The following NAALADL2 variants were observed in gnomAD, a reference collection of about 807,000 sequenced individuals.
NAALADL2 encodes the protein inactive N-acetylated-alpha-linked acidic dipeptidase-like protein 2.
A neutral mutation model predicts 87.2 loss-of-function variants in NAALADL2; 76 were observed. The observed-to-expected ratio is 0.87, with a 90% CI of 0.72 to 1.05. NAALADL2 has a LOEUF of 1.05. Ranked by LOEUF, NAALADL2 falls within the 50% of genes least tolerant of loss-of-function variation. The pLI, the probability that NAALADL2 is intolerant of heterozygous loss-of-function variation, is 0.00. For missense variants in NAALADL2, 1,089 were observed against 945.8 expected (o/e 1.15, Z -1.99); for synonymous variants, 354 against 331.0 (o/e 1.07, Z -0.75).
chr3:174,580,298 T>G, intron 2 of NAALADL2, among the ~76,000 whole-genome samples: 1 of 152,124 alleles, frequency 6.6e-6, no homozygotes, highest in Admixed American at 6.6e-5. Flanking sequence ...TAATAATTGC[T>G]GTTGCTCTCA....
intron 5 of NAALADL2, among the ~76,000 whole-genome samples, chr3:175,417,410 C>T (rs1254083453): frequency 1.3e-5 from 2 of 151,862 alleles, no homozygotes; most frequent in Non-Finnish European, 2.9e-5. Context: ...ATTTAATACT[C>T]ATCATCATAA....
At chr3:174,593,229 A>C (rs1205881197) in intron 2 of NAALADL2, among the ~76,000 whole-genome samples, 1 of 152,192 alleles carries the variant, frequency 6.6e-6, no homozygotes, top group Non-Finnish European at 1.5e-5. Flanking sequence ...TCTTACTATC[A>C]GCATAAACTG....
rs140383341 is a variant in NAALADL2, at chr3:175,337,257, G to A, written c.1090+12932G>A. Among the ~76,000 whole-genome samples, 28 of 151,318 alleles carry A rather than the reference G, an allele frequency of 1.9e-4. No homozygotes were observed. In the East Asian group the frequency reaches 5.4e-3, roughly 29 times the overall value. ...AGGTGGTATTAGGTCTAGGTGGTAT[G>A]GTGGTCCTATTTAGAGTCAGACTAA... On this transcript the variant is annotated intron_variant, in intron 5 of 13. Transcript: ENST00000454872.
intron 9 of NAALADL2, among the ~76,000 whole-genome samples, chr3:175,555,987 A>G (rs1277875694): frequency 6.6e-6 from 1 of 152,188 alleles, no homozygotes; most frequent in Non-Finnish European, 1.5e-5. Context: ...ACTTTTAAGA[A>G]GCCATTTTGA....
chr3:175,219,004 T>C (rs774315102), intron 2 of NAALADL2, among the ~76,000 whole-genome samples: 3 of 151,986 alleles, frequency 2.0e-5, no homozygotes, highest in African/African-American at 4.8e-5. Flanking sequence ...TTTTATTATA[T>C]AAATATGTGG....
At chr3:175,175,334 A>G (rs1735551147) in intron 2 of NAALADL2, among the ~76,000 whole-genome samples, 1 of 152,064 alleles carries the variant, frequency 6.6e-6, no homozygotes, top group Admixed American at 6.6e-5. Flanking sequence ...CATAGCCTTA[A>G]GGTCATTGAC....
chr3:175,219,103 A>G (rs1037176815), intron 2 of NAALADL2, among the ~76,000 whole-genome samples: 2 of 152,124 alleles, frequency 1.3e-5, no homozygotes, highest in Non-Finnish European at 2.9e-5. Context: ...TTATTCTAGT[A>G]AATGTCTTCA....
chr3:174,641,833 TGCA>T (rs1463240086), intron 2 of NAALADL2, among the ~76,000 whole-genome samples: 3 of 152,294 alleles, frequency 2.0e-5, no homozygotes, highest in Non-Finnish European at 4.4e-5. Context: ...CATGGCTCAC[TGCA>T]GCCTCAACCT....
chr3:174,978,209 C>T (rs2108638242), intron 1 of NAALADL2, among the ~76,000 whole-genome samples: 1 of 152,280 alleles, frequency 6.6e-6, no homozygotes, highest in South Asian at 2.1e-4. Flanking sequence ...TACTATCAAG[C>T]GTGACAATGT....
intron 3 of NAALADL2, among the ~76,000 whole-genome samples, chr3:174,816,224 C>G (rs1399813175): frequency 6.6e-6 from 1 of 151,646 alleles, no homozygotes; most frequent in East Asian, 1.9e-4. Context: ...TTTCCCCCTT[C>G]TCCTCCTCCT....
At chr3:175,246,688 GC>G (rs1172932366) in intron 3 of NAALADL2, among the ~76,000 whole-genome samples, 1 of 152,080 alleles carries the variant, frequency 6.6e-6, no homozygotes, top group African/African-American at 2.4e-5. Flanking sequence ...TAATAATTCT[GC>G]TTTTCTTTTA....
intron 1 of NAALADL2, among the ~76,000 whole-genome samples, chr3:174,982,072 A>G (rs898612181): frequency 8.5e-5 from 13 of 152,164 alleles, no homozygotes; most frequent in African/African-American, 3.1e-4. Context: ...ATAGAAAGGA[A>G]AGGGGGAATG....
chr3:175,117,833 C>T (rs1356994289), intron 2 of NAALADL2, among the ~76,000 whole-genome samples: 1 of 152,040 alleles, frequency 6.6e-6, no homozygotes, highest in African/African-American at 2.4e-5. Context: ...TATGGTGGCA[C>T]TATTCACAAT....
intron 2 of NAALADL2, among the ~76,000 whole-genome samples, chr3:175,131,995 G>T (rs1450039770): frequency 1.7e-5 from 2 of 116,040 alleles, no homozygotes; most frequent in Admixed American, 1.7e-4. Context: ...CCGGGAGGGG[G>T]ACTGACCCCC....
At chr3:175,802,937 C>A in intron 13 of NAALADL2, 68 bp from the exon 14 acceptor site, 2 of 979,632 alleles carry the variant, frequency 2.0e-6, no homozygotes, top group South Asian at 3.0e-5. Context: ...TAGAAATATT[C>A]ATTCCAACGT....
intron 1 of NAALADL2, among the ~76,000 whole-genome samples, chr3:174,865,655 T>TTGC (rs796909054): frequency 4.5e-4 from 68 of 152,074 alleles, no homozygotes; most frequent in African/African-American, 1.6e-3. Context: ...GCTTCCATTC[T>TTGC]TGCTGATTCT....
At chr3:174,508,633 G>T (rs1254243982) in intron 1 of NAALADL2, among the ~76,000 whole-genome samples, 1 of 152,132 alleles carries the variant, frequency 6.6e-6, no homozygotes, top group Non-Finnish European at 1.5e-5. Context: ...TTCACTTATT[G>T]ATGTCATTTT....
intron 5 of NAALADL2, among the ~76,000 whole-genome samples, chr3:175,425,115 T>C (rs1716555350): frequency 6.6e-6 from 1 of 152,282 alleles, no homozygotes; most frequent in East Asian, 1.9e-4. Flanking sequence ...AATGATGATA[T>C]GGAATTTTCT....
intron 12 of NAALADL2, among the ~76,000 whole-genome samples, chr3:175,751,877 T>C (rs1208170766): frequency 6.6e-6 from 1 of 152,076 alleles, no homozygotes; most frequent in Non-Finnish European, 1.5e-5. Context: ...TTGTAGGGCA[T>C]ATTTTATTTC....
Sources: allele counts gnomAD v4.1 joint callset (sites outside exome capture counted in the v4.1 genomes callset), GRCh38; gene constraint gnomAD v4.1.1; transcripts MANE v1.5; gene names NCBI Gene and HGNC (gene_info 2026-07-23, HGNC 2026-07-21).